Variants in OSBP2 observed in about 807,000 individuals in gnomAD.
OSBP2 encodes the protein oxysterol-binding protein 2.
OSBP2 carries 66 observed loss-of-function variants against 96.0 expected under a neutral mutation model. The ratio of observed to expected loss-of-function variants is 0.69; its 90% CI spans 0.56 to 0.84. The LOEUF is 0.84. Among genes scored for constraint, OSBP2 ranks in the 40% least tolerant of loss-of-function variants. The probability of loss-of-function intolerance (pLI) is 0.00; values close to 1 mark genes in which losing one functional copy is unlikely to be tolerated. For missense variants in OSBP2, 1,038 were observed against 1,222.7 expected (o/e 0.85, Z 2.25); for synonymous variants, 525 against 520.9 (o/e 1.01, Z -0.11).
chr22:30,737,562 C>T (rs1232152209), intron 1 of OSBP2, among the ~76,000 whole-genome samples: 1 of 151,898 alleles, frequency 6.6e-6, no homozygotes, highest in Non-Finnish European at 1.5e-5. Context: ...CTCCTGGCCT[C>T]AAGTGATCCT....
chr22:30,855,049 A>G (rs1439360944), intron 2 of OSBP2, among the ~76,000 whole-genome samples: 2 of 152,184 alleles, frequency 1.3e-5, no homozygotes, highest in Admixed American at 6.5e-5. Context: ...TGCATGATTC[A>G]GTTATCTCTA....
upstream of OSBP2, chr22:30,694,791 G>A: frequency 5.1e-6 from 3 of 588,884 alleles, no homozygotes; most frequent in Non-Finnish European, 6.4e-6. Flanking sequence ...CGGGACCGCG[G>A]AGGAACCCGC....
At chr22:30,694,632 G>C (rs75060437), upstream of OSBP2, among the ~76,000 whole-genome samples, 151,560 of 151,578 alleles carry the variant, frequency 1, 75,771 homozygotes, top group Middle Eastern at 1. Flanking sequence ...CATCCCCTTC[G>C]GAGTTGACCG....
chr22:30,888,375 C>T (rs776405419), intron 5 of OSBP2, 35 bp downstream of exon 5: 4 of 1,279,564 alleles, frequency 3.1e-6, no homozygotes, highest in East Asian at 2.3e-5. Context: ...GCCTCCCCCA[C>T]CCTGGTCTTA....
intron 1 of OSBP2, among the ~76,000 whole-genome samples, chr22:30,720,502 C>T (rs136381): frequency 0.87 from 131,668 of 152,034 alleles, 57,160 homozygotes; most frequent in East Asian, 1. Flanking sequence ...TAAGGGAGAG[C>T]GAGCCAAGAC....
intron 2 of OSBP2, among the ~76,000 whole-genome samples, chr22:30,755,987 G>T (rs1398331613): frequency 1.3e-5 from 2 of 152,156 alleles, no homozygotes; most frequent in East Asian, 3.9e-4. Context: ...TTAACGTGGA[G>T]CACCAGTCCC....
rs1377970271 is a variant in OSBP2, at chr22:30,887,603, A to G, written c.1285A>G (p.Lys429Glu). The change falls in exon 4 of 14, where the codon AAG (lysine) becomes GAG (glutamate). Residue 429 changes from lysine (K) to glutamate (E), a missense_variant. Lys to Glu is a moderately conservative substitution (Grantham distance 56). This residue lies in a region of OSBP2 where 737 missense variants were observed against 913.3 expected (regional missense o/e 0.81). Coordinates refer to ENST00000332585, the MANE Select transcript of OSBP2 (RefSeq NM_030758.4). ...CCCTGGCCGGCCGGCCAACCCCTCC[A>G]AGAGCTTCATTGAGGGTGAGTGGGC... ...SAPGRPANPS[K>E]SFIEGSLLTP... The G allele has an allele frequency of 1.9e-6, 3 of 1,603,264 alleles. No individual in the cohort carries two copies. Among genetic ancestry groups the G allele is most frequent in the Non-Finnish European group, 1.7e-6 (2 of 1,175,684 alleles).
intron 2 of OSBP2, among the ~76,000 whole-genome samples, chr22:30,763,004 A>G (rs1211986536): frequency 1.3e-5 from 2 of 152,196 alleles, no homozygotes; most frequent in Non-Finnish European, 2.9e-5. Flanking sequence ...CCTGGGTTCA[A>G]ATCGTGGCTC....
chr22:30,785,134 G>T (rs902139083), intron 2 of OSBP2, among the ~76,000 whole-genome samples: 2 of 152,086 alleles, frequency 1.3e-5, no homozygotes, highest in African/African-American at 4.8e-5. Context: ...GTAAATGTTA[G>T]AATCAGCTTA....
intron 2 of OSBP2, among the ~76,000 whole-genome samples, chr22:30,745,027 GA>G (rs1269159538): frequency 6.6e-6 from 1 of 152,160 alleles, no homozygotes; most frequent in African/African-American, 2.4e-5. Flanking sequence ...GGTAACACTA[GA>G]AAATGCATGG....
At position 30,759,241 on chromosome 22, in the gene OSBP2, G is replaced by A. The variant is rs567295686; in HGVS notation, c.853+17872G>A. 1.3e-4 allele frequency among the ~76,000 whole-genome samples: 20 copies of A among 152,236 alleles called. 1 individual carries two copies. Among genetic ancestry groups the A allele is most frequent in the South Asian group, 2.1e-4 (1 of 4,824 alleles). ...TGCACACCTGTAATCCCAGCTACTC[G>A]GGAGGCTGAGGCAGGAGAATCGCTT... On this transcript the variant is annotated intron_variant, in intron 2 of 13. Transcript: ENST00000332585.
intron 2 of OSBP2, among the ~76,000 whole-genome samples, chr22:30,763,876 C>T (rs1330079972): frequency 6.6e-6 from 1 of 152,134 alleles, no homozygotes; most frequent in Non-Finnish European, 1.5e-5. Flanking sequence ...CTCCCAACTC[C>T]CTGGTCCAAA....
intron 2 of OSBP2, among the ~76,000 whole-genome samples, chr22:30,797,119 C>G (rs1482196523): frequency 6.6e-6 from 1 of 152,182 alleles, no homozygotes; most frequent in African/African-American, 2.4e-5. Context: ...TGTGTCTGAT[C>G]TATTTCCCTT....
At chr22:30,824,477 GA>G (rs1422855175) in intron 2 of OSBP2, among the ~76,000 whole-genome samples, 1 of 152,196 alleles carries the variant, frequency 6.6e-6, no homozygotes, top group African/African-American at 2.4e-5. Flanking sequence ...GTGTTTTCAA[GA>G]GAAGCTGGAA....
At chr22:30,700,076 C>T (rs1361158295) in intron 1 of OSBP2, among the ~76,000 whole-genome samples, 1 of 151,608 alleles carries the variant, frequency 6.6e-6, no homozygotes, top group Non-Finnish European at 1.5e-5. Context: ...AATTTTCCTG[C>T]CACAGCCTCC....
intron 2 of OSBP2, among the ~76,000 whole-genome samples, chr22:30,763,527 T>A (rs1227662837): frequency 1.3e-5 from 2 of 151,296 alleles, no homozygotes; most frequent in Non-Finnish European, 2.9e-5. Context: ...ATGCCTCTAA[T>A]CCCAGCTACT....
At chr22:30,852,986 A>T (rs2039005189) in intron 2 of OSBP2, among the ~76,000 whole-genome samples, 1 of 152,036 alleles carries the variant, frequency 6.6e-6, no homozygotes, top group African/African-American at 2.4e-5. Flanking sequence ...TCCAGAGGAG[A>T]TACTCTTTAT....
chr22:30,842,161 G>T (rs974872565), intron 2 of OSBP2, among the ~76,000 whole-genome samples: 3 of 152,126 alleles, frequency 2.0e-5, no homozygotes, highest in African/African-American at 7.2e-5. Flanking sequence ...CACCCAGGCT[G>T]GTCTCGAACT....
At chr22:30,829,516 C>T (rs953341044) in intron 2 of OSBP2, among the ~76,000 whole-genome samples, 1 of 152,146 alleles carries the variant, frequency 6.6e-6, no homozygotes, top group African/African-American at 2.4e-5. Flanking sequence ...TGGTCTTGAA[C>T]TCCTGAACTC....
Sources: gnomAD v4.1 joint callset for allele counts (sites outside exome capture counted in the v4.1 genomes callset) on GRCh38, gnomAD v4.1.1 for gene constraint, gnomAD v4.1.1 regional missense constraint, MANE v1.5 for transcripts, NCBI Gene and HGNC (gene_info 2026-07-23, HGNC 2026-07-21) for gene names.